PLEKHG1: variants seen among roughly 807,000 people sequenced by gnomAD.
PLEKHG1 encodes the protein pleckstrin homology and RhoGEF domain containing G1.
A neutral mutation model predicts 100.8 loss-of-function variants in PLEKHG1; 44 were observed. That is an observed-to-expected ratio of 0.44 (90% CI 0.34 to 0.56). The LOEUF is 0.56. Ranked by LOEUF, PLEKHG1 falls within the 20% of genes least tolerant of loss-of-function variation. PLEKHG1 has a pLI of 0.01. For missense variants in PLEKHG1, 1,545 were observed against 1,720.9 expected (o/e 0.90, Z 1.81); for synonymous variants, 640 against 662.5 (o/e 0.97, Z 0.52).
At chr6:150,640,129 C>T (rs1405974998) in intron 2 of PLEKHG1, among the ~76,000 whole-genome samples, 1 of 152,262 alleles carries the variant, frequency 6.6e-6, no homozygotes, top group South Asian at 2.1e-4. Flanking sequence ...GTCTGCTAAG[C>T]ACATGCCCAG....
intron 1 of PLEKHG1, among the ~76,000 whole-genome samples, chr6:150,623,076 G>A (rs553798993): frequency 7.3e-5 from 11 of 150,976 alleles, no homozygotes; most frequent in Admixed American, 2.0e-4. Flanking sequence ...GGCCACTTCT[G>A]CTTCTGTTGT....
intron 10 of PLEKHG1, among the ~76,000 whole-genome samples, chr6:150,814,340 T>A (rs1264006226): frequency 6.6e-6 from 1 of 152,228 alleles, no homozygotes; most frequent in Non-Finnish European, 1.5e-5. Flanking sequence ...CCTGTCTTTC[T>A]CCCACGCTAG....
At chr6:150,652,335 A>G (rs1197202179) in intron 3 of PLEKHG1, among the ~76,000 whole-genome samples, 3 of 152,230 alleles carry the variant, frequency 2.0e-5, no homozygotes, top group Non-Finnish European at 4.4e-5. Context: ...TTCCACGCTT[A>G]TGCTTATACG....
intron 3 of PLEKHG1, among the ~76,000 whole-genome samples, chr6:150,780,579 T>C (rs1199360847): frequency 1.3e-5 from 2 of 152,106 alleles, no homozygotes; most frequent in Non-Finnish European, 1.5e-5. Context: ...CCATGACATA[T>C]CTCACTTTTA....
chr6:150,785,204 C>A (rs576263514), intron 3 of PLEKHG1, among the ~76,000 whole-genome samples: 4 of 152,230 alleles, frequency 2.6e-5, no homozygotes, highest in East Asian at 3.9e-4. Flanking sequence ...CCTAAAGAAT[C>A]AAAAATGCTT....
intron 3 of PLEKHG1, among the ~76,000 whole-genome samples, chr6:150,660,971 T>C (rs1480118258): frequency 6.6e-6 from 1 of 152,234 alleles, no homozygotes; most frequent in Non-Finnish European, 1.5e-5. Context: ...TGAACTGTGC[T>C]GGGAGATCCT....
rs374175369 is a variant in PLEKHG1 at position 150,634,259 on chromosome 6, A to G, written c.-203-3821A>G. ...AACTCGATCTCCCCCCCAAAAAAAA[A>G]AAAGAAAAAAAGAGGAAGAAGAAAA... On this transcript the variant is annotated intron_variant, in intron 1 of 3. Transcript: ENST00000367326. 8.2e-4 allele frequency among the ~76,000 whole-genome samples: 124 copies of G among 150,790 alleles called. 1 individual carries two copies. Among genetic ancestry groups the G allele is most frequent in the Admixed American group, 4.1e-3 (62 of 15,260 alleles).
chr6:150,777,197 G>A (rs1785025483), intron 3 of PLEKHG1, among the ~76,000 whole-genome samples: 1 of 144,846 alleles, frequency 6.9e-6, no homozygotes, highest in South Asian at 2.2e-4. Context: ...TTGCACATCA[G>A]CCACACTGAT....
At chr6:150,723,392 GTA>G (rs1781800243) in intron 1 of PLEKHG1, among the ~76,000 whole-genome samples, 1 of 152,196 alleles carries the variant, frequency 6.6e-6, no homozygotes, top group Non-Finnish European at 1.5e-5. Context: ...CACACACTGT[GTA>G]GTCCCTTTTG....
chr6:150,793,215 G>A (rs1191794570), intron 4 of PLEKHG1, among the ~76,000 whole-genome samples: 1 of 152,024 alleles, frequency 6.6e-6, no homozygotes, highest in East Asian at 1.9e-4. Context: ...ACCAGACTGG[G>A]CAATATAGCA....
chr6:150,709,975 A>G (rs1781186558), intron 3 of PLEKHG1, among the ~76,000 whole-genome samples: 6 of 151,898 alleles, frequency 4.0e-5, no homozygotes, highest in Non-Finnish European at 7.4e-5. Flanking sequence ...TTTTGTAGAG[A>G]TGGGGTCTCA....
At chr6:150,712,550 T>C (rs1170838195) in intron 3 of PLEKHG1, among the ~76,000 whole-genome samples, 2 of 152,236 alleles carry the variant, frequency 1.3e-5, no homozygotes, top group Admixed American at 6.5e-5. Flanking sequence ...GTAATGTTTA[T>C]TCAGAATAAA....
At chr6:150,639,037 C>T (rs1778139553) in intron 2 of PLEKHG1, among the ~76,000 whole-genome samples, 1 of 152,102 alleles carries the variant, frequency 6.6e-6, no homozygotes, top group South Asian at 2.1e-4. Context: ...TCTGGAAAGC[C>T]CATTTCTTTT....
chr6:150,729,167 C>T (rs1454357707), intron 1 of PLEKHG1, among the ~76,000 whole-genome samples: 1 of 152,202 alleles, frequency 6.6e-6, no homozygotes, highest in Non-Finnish European at 1.5e-5. Context: ...TCATGGCTTA[C>T]CACAGCCTTG....
At chr6:150,733,699 T>A in exon 2 of PLEKHG1, 1 of 1,614,198 alleles carries the variant, frequency 6.2e-7, no homozygotes. Context: ...TCTCTGATAG[T>A]GACCGACCCG....
chr6:150,636,752 A>G (rs142724499), intron 1 of PLEKHG1, among the ~76,000 whole-genome samples: 4 of 152,314 alleles, frequency 2.6e-5, no homozygotes, highest in Middle Eastern at 3.4e-3. Flanking sequence ...GAGTTGACCC[A>G]TTGTGCTCTA....
At chr6:150,812,390 T>TTG (rs1787581105) in intron 10 of PLEKHG1, among the ~76,000 whole-genome samples, 1 of 151,468 alleles carries the variant, frequency 6.6e-6, no homozygotes, top group Non-Finnish European at 1.5e-5. Context: ...ATTGAAAGAG[T>TTG]AGCAGAGGAG....
chr6:150,714,890 C>A (rs11754352), intron 3 of PLEKHG1, among the ~76,000 whole-genome samples: 2 of 151,664 alleles, frequency 1.3e-5, no homozygotes, highest in African/African-American at 2.4e-5. Context: ...CTCACTGCAA[C>A]CTCCACCTCC....
chr6:150,748,055 C>G (rs992090397), intron 2 of PLEKHG1, among the ~76,000 whole-genome samples: 3 of 152,184 alleles, frequency 2.0e-5, no homozygotes, highest in African/African-American at 7.2e-5. Flanking sequence ...ATTCCCCACC[C>G]CAGCCTCAGG....
Sources: gnomAD v4.1 joint callset for allele counts (sites outside exome capture counted in the v4.1 genomes callset) on GRCh38, gnomAD v4.1.1 for gene constraint, MANE v1.5 for transcripts, NCBI Gene and HGNC (gene_info 2026-07-23, HGNC 2026-07-21) for gene names.